The following SLC25A37 variants were observed in gnomAD, a reference collection of about 807,000 sequenced individuals.
SLC25A37 encodes the protein mitoferrin-1.
SLC25A37 carries 17 observed loss-of-function variants against 31.0 expected under a neutral mutation model. The observed-to-expected ratio is 0.55, with a 90% CI of 0.38 to 0.82. The LOEUF is 0.82. Ranked by LOEUF, SLC25A37 falls within the 40% of genes least tolerant of loss-of-function variation. SLC25A37 has a pLI of 0.00. For missense variants in SLC25A37, 404 were observed against 465.8 expected (o/e 0.87, Z 1.22); for synonymous variants, 222 against 193.0 (o/e 1.15, Z -1.24).
Position 23,529,454 on chromosome 8 carries a change from C to T in SLC25A37, c.210+242C>T, listed in dbSNP as rs1563248137. Among the ~76,000 whole-genome samples the T allele has an allele frequency of 6.6e-6, 1 of 151,848 alleles. No individual in the cohort carries two copies. The highest frequency in any genetic ancestry group is 1.5e-5 in the Non-Finnish European group (1 of 67,918). On this transcript the variant is annotated intron_variant, in intron 1 of 3. Coordinates refer to ENST00000519973, the MANE Select transcript of SLC25A37 (RefSeq NM_016612.4). The surrounding 1 kb of genome is among the most constrained non-coding windows in gnomAD (Gnocchi z 4.1). ...CCCGCTGCTCCAGCCGCGTGCCCGG[C>T]CCCGGCTGCTGGCGGCGCTGAGGCG...
Position 23,566,088 on chromosome 8 carries a change from C to G in SLC25A37, c.211-20C>G, listed in dbSNP as rs765204987. On this transcript the variant is annotated intron_variant, in intron 1 of 3. Transcript: ENST00000519973. ...GATTAACTCTATTTTTGTTTGTTTT[C>G]TCTTCTTGCCCGCTCCCAGACACGA... is the stretch of plus-strand genomic sequence containing the variant. 3 of 1,549,374 alleles carry G rather than the reference C, an allele frequency of 1.9e-6. No individual in the cohort carries two copies. Among genetic ancestry groups the G allele is most frequent in the Non-Finnish European group, 1.7e-6 (2 of 1,158,772 alleles).
intron 1 of SLC25A37, among the ~76,000 whole-genome samples, chr8:23,552,733 G>A (rs17089352): frequency 0.46 from 69,355 of 151,976 alleles, 16,122 homozygotes; most frequent in East Asian, 0.56. Flanking sequence ...GTTTCTTTGA[G>A]ATTCTGTGAT....
intron 1 of SLC25A37, among the ~76,000 whole-genome samples, chr8:23,530,260 A>G (rs1194028046): frequency 1.3e-5 from 2 of 152,110 alleles, no homozygotes; most frequent in African/African-American, 2.4e-5. Flanking sequence ...ACCACCTCCT[A>G]TCCTCTGGCT....
chr8:23,550,193 A>C (rs1802185496), intron 1 of SLC25A37, among the ~76,000 whole-genome samples: 1 of 135,996 alleles, frequency 7.4e-6, no homozygotes, highest in Non-Finnish European at 1.5e-5. Flanking sequence ...AAAAAAAAAA[A>C]AAAAAAAACA....
At chr8:23,559,658 C>T (rs75075724) in intron 1 of SLC25A37, among the ~76,000 whole-genome samples, 3 of 152,130 alleles carry the variant, frequency 2.0e-5, no homozygotes, top group African/African-American at 7.2e-5. Context: ...CGTCCTGTTC[C>T]CTCCTCACCC....
At chr8:23,554,823 A>G (rs1339765964) in intron 1 of SLC25A37, among the ~76,000 whole-genome samples, 1 of 152,196 alleles carries the variant, frequency 6.6e-6, no homozygotes, top group Non-Finnish European at 1.5e-5. Flanking sequence ...GGGGCCTGGT[A>G]GGGAAGGCTT....
intron 1 of SLC25A37, among the ~76,000 whole-genome samples, chr8:23,547,001 C>T (rs563266166): frequency 1.2e-4 from 19 of 152,186 alleles, no homozygotes; most frequent in African/African-American, 3.4e-4. Flanking sequence ...TGGTTGGTGA[C>T]GCTTTGCCTG....
In SLC25A37 at chr8:23,562,143, G is replaced by T. The variant is rs1356397458; in HGVS notation, c.211-3965G>T. ...CTGGAAACCTCAGGGCTCCAGCCAG[G>T]GCTCATCCCCAAGAAGATACACTGC... On this transcript the variant is annotated intron_variant, in intron 1 of 3. Transcript: ENST00000519973. 5.3e-5 allele frequency among the ~76,000 whole-genome samples: 8 copies of T among 152,160 alleles called. No individual in the cohort carries two copies. The East Asian group carries it at 1.2e-3, about 22-fold the overall frequency.
intron 1 of SLC25A37, among the ~76,000 whole-genome samples, chr8:23,546,440 ATTT>A (rs1332139446): frequency 1.3e-5 from 2 of 149,320 alleles, no homozygotes; most frequent in Non-Finnish European, 1.5e-5. Context: ...GTGCTTAAAA[ATTT>A]TTTTTTCTTG....
intron 1 of SLC25A37, among the ~76,000 whole-genome samples, chr8:23,562,576 C>A (rs62503327): frequency 2.6e-5 from 4 of 152,302 alleles, no homozygotes; most frequent in Non-Finnish European, 5.9e-5. Context: ...ACAACCCCAC[C>A]TCTGTGGCCT....
Position 23,529,451 on chromosome 8 carries a change from C to G in SLC25A37, c.210+239C>G, listed in dbSNP as rs1412090101. ...CCGCCCGCTGCTCCAGCCGCGTGCC[C>G]GGCCCCGGCTGCTGGCGGCGCTGAG... On this transcript the variant is annotated intron_variant, in intron 1 of 3. Transcript: ENST00000519973. The surrounding 1 kb of genome is among the most constrained non-coding windows in gnomAD (Gnocchi z 4.1). Among the ~76,000 whole-genome samples the G allele has an allele frequency of 6.6e-6, 1 of 151,822 alleles. No individual in the cohort carries two copies. The highest frequency in any genetic ancestry group is 1.5e-5 in the Non-Finnish European group (1 of 67,924).
rs1342210965 is a variant in SLC25A37 at position 23,571,821 on chromosome 8, C to T, written c.983C>T (p.Thr328Ile). The stretch of plus-strand genomic sequence containing the variant: ...TATGAGTTCTTCAAGTACTTTCTCA[C>T]CAAGCGCCAGCTGGAAAATCGAGCT... ...SVYEFFKYFL[T>I]KRQLENRAPY Residue 328 changes from threonine (T) to isoleucine (I), a missense_variant, in exon 4 of 4, where the codon ACC (threonine) becomes ATC (isoleucine). Around this residue, in one of 3 missense-constraint regions of SLC25A37, gnomAD observed 243 missense variants for 284.4 expected, o/e 0.85. Transcript: ENST00000519973. 1.2e-6 allele frequency: 2 copies of T among 1,612,020 alleles called. No homozygotes were observed. Among genetic ancestry groups the T allele is most frequent in the Non-Finnish European group, 1.7e-6 (2 of 1,178,186 alleles).
At chr8:23,533,472 G>A (rs566861138) in intron 1 of SLC25A37, among the ~76,000 whole-genome samples, 30 of 152,210 alleles carry the variant, frequency 2.0e-4, no homozygotes, top group African/African-American at 3.9e-4. Flanking sequence ...ACTTGGGCAC[G>A]TTTCAGCTGC....
At chr8:23,531,185 G>T (rs1585438492) in intron 1 of SLC25A37, among the ~76,000 whole-genome samples, 1 of 152,188 alleles carries the variant, frequency 6.6e-6, no homozygotes, top group Non-Finnish European at 1.5e-5. Flanking sequence ...TGGTTTTGAG[G>T]CTGCCACTGA....
chr8:23,556,758 T>C (rs779859957), intron 1 of SLC25A37, among the ~76,000 whole-genome samples: 3 of 152,200 alleles, frequency 2.0e-5, no homozygotes, highest in Non-Finnish European at 4.4e-5. Context: ...AAGTTAGTTA[T>C]ACTCTGAGAG....
chr8:23,536,648 T>G (rs1801775210), intron 1 of SLC25A37, among the ~76,000 whole-genome samples: 1 of 152,186 alleles, frequency 6.6e-6, no homozygotes, highest in Non-Finnish European at 1.5e-5. Flanking sequence ...CCTCGGAGCC[T>G]CCTCAGACTC....
At chr8:23,541,005 T>C (rs1414976735) in intron 1 of SLC25A37, among the ~76,000 whole-genome samples, 1 of 152,230 alleles carries the variant, frequency 6.6e-6, no homozygotes. Context: ...ATTCCAGCAC[T>C]AGGACTCAGT....
At chr8:23,568,551 C>T (rs529215661) in intron 3 of SLC25A37, 173 bp downstream of exon 3, 42 of 698,952 alleles carry the variant, frequency 6.0e-5, no homozygotes, top group South Asian at 4.6e-4. Flanking sequence ...CAAGAAAGGA[C>T]GTGAACATAA....
At position 23,528,958 on chromosome 8, in the gene SLC25A37, C is replaced by G. The variant is rs768123244; in HGVS notation, c.-45C>G. 34 of 1,402,794 alleles carry G rather than the reference C, an allele frequency of 2.4e-5. No homozygotes were observed. The highest frequency in any genetic ancestry group is 3.2e-5 in the Non-Finnish European group (34 of 1,074,960). 86.9% of individuals were successfully genotyped at this position (1,402,794 alleles called of 1,614,324 possible). On this transcript the variant is annotated 5_prime_UTR_variant, in exon 1 of 4. Transcript: ENST00000519973. ...AGTGAAGTTTTGCGCCCCTCCCCCTCCCTGCCCACCTCCTGCAGCCTCCTG... is the reference window on the plus strand; with the variant it reads ...AGTGAAGTTTTGCGCCCCTCCCCCTGCCTGCCCACCTCCTGCAGCCTCCTG...
Sources: gnomAD v4.1 joint callset for allele counts (sites outside exome capture counted in the v4.1 genomes callset) on GRCh38, gnomAD v4.1.1 for gene constraint, gnomAD v4.1.1 regional missense constraint, Gnocchi (gnomAD v3.1) non-coding constraint, MANE v1.5 for transcripts, NCBI Gene and HGNC (gene_info 2026-07-23, HGNC 2026-07-21) for gene names.